The following GRIK2 variants were observed in gnomAD, a reference collection of about 807,000 sequenced individuals.
GRIK2 encodes the protein glutamate receptor ionotropic, kainate 2.
GRIK2 carries 32 observed loss-of-function variants against 100.3 expected under a neutral mutation model. The observed-to-expected ratio is 0.32, with a 90% CI of 0.24 to 0.43. The LOEUF is 0.43. GRIK2 is among the 20% of genes least tolerant of loss of function. The pLI, the probability that GRIK2 is intolerant of heterozygous loss-of-function variation, is 1.00. For synonymous variants in GRIK2, 417 were observed against 389.4 expected (o/e 1.07, Z -0.83); for missense variants, 843 against 1,114.9 (o/e 0.76, Z 3.47).
At chr6:101,492,825 C>G (rs1350735018) in intron 2 of GRIK2, among the ~76,000 whole-genome samples, 1 of 151,792 alleles carries the variant, frequency 6.6e-6, no homozygotes, top group African/African-American at 2.4e-5. Flanking sequence ...GGAATCAGAC[C>G]TTCGCAGACT....
At chr6:102,006,868 C>T (rs1197631275) in intron 14 of GRIK2, among the ~76,000 whole-genome samples, 2 of 151,666 alleles carry the variant, frequency 1.3e-5, no homozygotes, top group East Asian at 1.9e-4. Context: ...TCATCATGTT[C>T]GTGTAACATA....
chr6:101,623,539 T>C (rs1780277358), intron 3 of GRIK2, among the ~76,000 whole-genome samples: 1 of 151,970 alleles, frequency 6.6e-6, no homozygotes, highest in Non-Finnish European at 1.5e-5. Context: ...GAATATGGAG[T>C]ATGAGTGCAG....
chr6:101,698,179 A>G (rs1832293), intron 7 of GRIK2, among the ~76,000 whole-genome samples: 94,573 of 151,510 alleles, frequency 0.62, 31,370 homozygotes, highest in Non-Finnish European at 0.75. Context: ...CTTTTTTTTC[A>G]TGACACTATC....
chr6:101,743,318 A>G (rs1776166916), intron 7 of GRIK2, among the ~76,000 whole-genome samples: 1 of 152,234 alleles, frequency 6.6e-6, no homozygotes, highest in African/African-American at 2.4e-5. Flanking sequence ...TGTGACTTTT[A>G]GCTATATAAG....
At chr6:102,001,103 C>G (rs1020498565) in intron 14 of GRIK2, among the ~76,000 whole-genome samples, 12 of 151,834 alleles carry the variant, frequency 7.9e-5, no homozygotes, top group African/African-American at 2.9e-4. Context: ...TTTGCCATAA[C>G]ATAACATAAC....
intron 4 of GRIK2, among the ~76,000 whole-genome samples, chr6:101,642,895 A>G (rs1441849071): frequency 6.6e-6 from 1 of 151,480 alleles, no homozygotes; most frequent in African/African-American, 2.4e-5. Flanking sequence ...ACTAACATAT[A>G]TATATATTTT....
intron 4 of GRIK2, among the ~76,000 whole-genome samples, chr6:101,630,005 G>A (rs556231952): frequency 5.4e-4 from 82 of 152,176 alleles, no homozygotes; most frequent in African/African-American, 1.9e-3. Flanking sequence ...TTAGGATAAT[G>A]GCTTTCAGCT....
chr6:101,712,579 T>C (rs1190699873), intron 7 of GRIK2, among the ~76,000 whole-genome samples: 1 of 151,820 alleles, frequency 6.6e-6, no homozygotes, highest in African/African-American at 2.4e-5. Flanking sequence ...TTTATTTTTT[T>C]CTAATAAGGT....
intron 2 of GRIK2, among the ~76,000 whole-genome samples, chr6:101,456,515 T>C: frequency 6.6e-6 from 1 of 152,098 alleles, no homozygotes. Context: ...AGTAATTATC[T>C]GAAATAAACA....
intron 7 of GRIK2, among the ~76,000 whole-genome samples, chr6:101,747,286 T>G (rs1324647416): frequency 6.6e-6 from 1 of 152,214 alleles, no homozygotes. Context: ...ATGGTTTGCA[T>G]GTGTATTATG....
At chr6:102,024,112 G>A (rs1053024126) in intron 14 of GRIK2, among the ~76,000 whole-genome samples, 3 of 150,962 alleles carry the variant, frequency 2.0e-5, no homozygotes, top group Admixed American at 6.6e-5. Context: ...ACCATGATTG[G>A]CTGAAGCACT....
rs550881310 is a variant in GRIK2 at position 101,946,697 on chromosome 6, A to G, written c.2085+18065A>G. Among the ~76,000 whole-genome samples the G allele has an allele frequency of 7.9e-5, 12 of 152,272 alleles. No individual in the cohort carries two copies. The East Asian group carries it at 2.3e-3, about 29-fold the overall frequency. On this transcript the variant is annotated intron_variant, in intron 14 of 16. Coordinates refer to ENST00000369134, the MANE Select transcript of GRIK2 (RefSeq NM_021956.5). Reference sequence around the variant, plus strand: ...AGGCAAGGCGATTATTGTAGTAAAGAGGAGATGCCAGGATTCAGTCTGAAC... The same window carrying G: ...AGGCAAGGCGATTATTGTAGTAAAGGGGAGATGCCAGGATTCAGTCTGAAC...
intron 2 of GRIK2, among the ~76,000 whole-genome samples, chr6:101,534,137 A>AT (rs35783548): frequency 0.039 from 5,793 of 150,126 alleles, 145 homozygotes; most frequent in South Asian, 0.057. Flanking sequence ...ACATAGTTTT[A>AT]TTTTTTTTTT....
At chr6:101,602,565 T>C (rs868360387) in intron 2 of GRIK2, among the ~76,000 whole-genome samples, 1 of 151,472 alleles carries the variant, frequency 6.6e-6, no homozygotes, top group South Asian at 2.1e-4. Flanking sequence ...AGTTTTTTTT[T>C]AAAGAAATGG....
intron 7 of GRIK2, among the ~76,000 whole-genome samples, chr6:101,764,203 A>G (rs1231472866): frequency 6.6e-6 from 1 of 152,056 alleles, no homozygotes. Context: ...TGTGGTTCCA[A>G]TCCTTCTCAT....
chr6:101,865,177 A>C (rs542067684), intron 11 of GRIK2, among the ~76,000 whole-genome samples: 1 of 152,368 alleles, frequency 6.6e-6, no homozygotes, highest in Non-Finnish European at 1.5e-5. Context: ...GAAAACAACT[A>C]TAGTAAAATG....
At chr6:101,998,640 A>T (rs1299537292) in intron 14 of GRIK2, among the ~76,000 whole-genome samples, 1 of 151,930 alleles carries the variant, frequency 6.6e-6, no homozygotes, top group African/African-American at 2.4e-5. Flanking sequence ...TTTTGAGTTA[A>T]TTTTTTGTAC....
At chr6:101,993,968 A>G (rs1174098798) in intron 14 of GRIK2, 1 of 148,042 alleles carries the variant, frequency 6.8e-6, no homozygotes, top group Non-Finnish European at 1.5e-5. Flanking sequence ...ATATATCTAT[A>G]TATACATTAC....
intron 2 of GRIK2, chr6:101,620,263 G>T (rs1033020514): frequency 2.8e-5 from 23 of 807,748 alleles, no homozygotes; most frequent in Non-Finnish European, 3.3e-5. Context: ...AAGGAATCTA[G>T]GTTAGTTCTT....
Sources: allele counts gnomAD v4.1 joint callset (sites outside exome capture counted in the v4.1 genomes callset), GRCh38; gene constraint gnomAD v4.1.1; transcripts MANE v1.5; gene names NCBI Gene and HGNC (gene_info 2026-07-23, HGNC 2026-07-21).